Variants in SPACA3 observed in about 807,000 individuals in gnomAD.
The protein encoded by SPACA3 is sperm acrosome membrane-associated protein 3.
SPACA3 carries 21 observed loss-of-function variants against 24.5 expected under a neutral mutation model. That is an observed-to-expected ratio of 0.86 (90% CI 0.61 to 1.24). The LOEUF (loss-of-function observed/expected upper bound fraction) is 1.24. SPACA3 is among the 50% of genes most tolerant of loss of function. The pLI is 0.00. For synonymous variants in SPACA3, 115 were observed against 106.9 expected (o/e 1.08, Z -0.47); for missense variants, 278 against 275.5 (o/e 1.01, Z -0.06).
At chr17:32,993,594 C>G (rs143161448) in intron 1 of SPACA3, among the ~76,000 whole-genome samples, 1 of 152,006 alleles carries the variant, frequency 6.6e-6, no homozygotes, top group Non-Finnish European at 1.5e-5. Context: ...GAGACAGAGT[C>G]GAAGGGGGCC....
chr17:32,997,336 T>A (rs1355635387), intron 3 of SPACA3, 109 bp from the exon 4 acceptor site: 3 of 791,404 alleles, frequency 3.8e-6, no homozygotes, highest in Non-Finnish European at 6.2e-6. Flanking sequence ...TGTGTGTGTG[T>A]GTGTGTGTAG....
At chr17:32,994,856 G>A (rs1598222902) in intron 1 of SPACA3, among the ~76,000 whole-genome samples, 1 of 152,220 alleles carries the variant, frequency 6.6e-6, no homozygotes, top group East Asian at 1.9e-4. Context: ...GGGCAGGCTG[G>A]GCTTCCAGGG....
At position 32,995,725 on chromosome 17, in the gene SPACA3, C is replaced by A. The variant is rs1410405537; in HGVS notation, c.343+8C>A. Reference sequence around the variant, plus strand: ...GATACAGCCTGGCTGACTGTGAGAACCCCTCTCCCTGGCGGGCCCTGACTT... The same window carrying A: ...GATACAGCCTGGCTGACTGTGAGAAACCCTCTCCCTGGCGGGCCCTGACTT... On this transcript the variant is annotated splice_region_variant and intron_variant, in intron 2 of 4. Transcript: ENST00000269053. The A allele has an allele frequency of 1.9e-6, 3 of 1,607,894 alleles. No homozygotes were observed. The highest frequency in any genetic ancestry group is 2.6e-6 in the Non-Finnish European group (3 of 1,175,186).
At chr17:32,995,247 G>A (rs1164258762) in intron 1 of SPACA3, among the ~76,000 whole-genome samples, 162 bp from the exon 2 acceptor site, 1 of 152,148 alleles carries the variant, frequency 6.6e-6, no homozygotes, top group Non-Finnish European at 1.5e-5. Context: ...CAATAGGTTA[G>A]TTTTCTTCCT....
In SPACA3 at chr17:32,995,614, C is replaced by T. The variant is rs1244186512; in HGVS notation, c.240C>T (p.Cys80=). Residue 80 remains cysteine, a synonymous_variant, in exon 2 of 5, where the codon TGC becomes TGT. Coordinates refer to ENST00000269053, the MANE Select transcript of SPACA3 (RefSeq NM_173847.5). ...MLLALVCLLS[C]LLPSSEAKLY... ...TGGCCCTGGTCTGTCTGCTCAGCTGCCTGCTACCCTCCAGTGAGGCCAAGC... is the reference window on the plus strand; with the variant it reads ...TGGCCCTGGTCTGTCTGCTCAGCTGTCTGCTACCCTCCAGTGAGGCCAAGC... The T allele has an allele frequency of 2.5e-6, 4 of 1,614,088 alleles. No individual in the cohort carries two copies. Among genetic ancestry groups the T allele is most frequent in the Non-Finnish European group, 3.4e-6 (4 of 1,180,040 alleles).
At chr17:32,995,845 G>T in intron 2 of SPACA3, 128 bp downstream of exon 2, 3 of 1,091,406 alleles carry the variant, frequency 2.7e-6, no homozygotes, top group Non-Finnish European at 3.9e-6. Flanking sequence ...AACTGAAGAT[G>T]ATTTGAGATG....
At chr17:32,993,683 G>GA (rs1355942582) in intron 1 of SPACA3, among the ~76,000 whole-genome samples, 3 of 148,150 alleles carry the variant, frequency 2.0e-5, no homozygotes, top group African/African-American at 7.9e-5. Context: ...CAAGCGGGAG[G>GA]GAGAAAGTGG....
intron 1 of SPACA3, 66 bp from the exon 2 acceptor site, chr17:32,995,343 G>A: frequency 6.9e-7 from 1 of 1,456,132 alleles, no homozygotes; most frequent in Non-Finnish European, 9.3e-7. Context: ...GGAATGCAAG[G>A]GGGCTGATAC....
intron 1 of SPACA3, 112 bp from the exon 2 acceptor site, chr17:32,995,297 G>C: frequency 1.0e-6 from 1 of 998,272 alleles, no homozygotes. Context: ...TGGGGAAGGA[G>C]AGGGGCTGGT....
At chr17:32,996,270 T>TCTGA (rs1293845212) in intron 2 of SPACA3, among the ~76,000 whole-genome samples, 2 of 152,102 alleles carry the variant, frequency 1.3e-5, no homozygotes, top group African/African-American at 4.8e-5. Flanking sequence ...GGTGGATCAC[T>TCTGA]CTGAGGTCAG....
chr17:32,994,237 C>G (rs1290168140), intron 1 of SPACA3, among the ~76,000 whole-genome samples: 1 of 152,166 alleles, frequency 6.6e-6, no homozygotes, highest in Non-Finnish European at 1.5e-5. Flanking sequence ...GAAACAACAA[C>G]TCACTTATTT....
At chr17:32,997,373 A>G (rs1277338873) in intron 3 of SPACA3, 72 bp from the exon 4 acceptor site, 1 of 1,154,032 alleles carries the variant, frequency 8.7e-7, no homozygotes, top group Non-Finnish European at 1.3e-6. Flanking sequence ...AGACAGATAC[A>G]CACTCACACA....
chr17:32,992,014 C>A (rs199889988), intron 1 of SPACA3, 42 bp downstream of exon 1: 2 of 1,609,816 alleles, frequency 1.2e-6, no homozygotes, highest in East Asian at 4.5e-5. Context: ...TTAACAGGGG[C>A]GCTGGGTTGG....
At chr17:32,997,344 T>TGTGTAG (rs140846693) in intron 3 of SPACA3, 101 bp from the exon 4 acceptor site, 54,993 of 563,204 alleles carry the variant, frequency 0.098, 1,206 homozygotes, top group East Asian at 0.26. Context: ...TGTGTGTGTG[T>TGTGTAG]AGAGAGAGAG....
chr17:32,995,295 G>C (rs2091714650), intron 1 of SPACA3, 114 bp from the exon 2 acceptor site: 1 of 971,824 alleles, frequency 1.0e-6, no homozygotes, highest in East Asian at 2.5e-5. Context: ...GATGGGGAAG[G>C]AGAGGGGCTG....
Position 32,995,414 on chromosome 17 carries a change from C to T in SPACA3, c.40C>T (p.His14Tyr). 1 of 1,592,064 alleles carries T rather than the reference C, an allele frequency of 6.3e-7. No individual in the cohort carries two copies. Among genetic ancestry groups the T allele is most frequent in the African/African-American group, 1.3e-5 (1 of 74,684 alleles). The change falls in exon 2 of 5, where the codon CAC (histidine) becomes TAC (tyrosine). Residue 14 changes from histidine to tyrosine, a missense_variant. By Grantham distance (83) the His-to-Tyr change is moderately conservative. Transcript: ENST00000269053. ...ALRGAPLIRV[H>Y]SSPVSSPSVS... Reference sequence around the variant, plus strand: ...TCTCCTCTCCCCTTTCCCAGGGGTGCACTCAAGCCCTGTTTCTTCTCCTTC... The same window carrying T: ...TCTCCTCTCCCCTTTCCCAGGGGTGTACTCAAGCCCTGTTTCTTCTCCTTC...
At chr17:32,996,343 G>C (rs1485554151) in intron 2 of SPACA3, among the ~76,000 whole-genome samples, 1 of 152,110 alleles carries the variant, frequency 6.6e-6, no homozygotes, top group Non-Finnish European at 1.5e-5. Context: ...ACAAAAATTA[G>C]CTGGGCATGG....
intron 1 of SPACA3, among the ~76,000 whole-genome samples, chr17:32,994,792 G>A (rs1053715333): frequency 2.0e-5 from 3 of 152,184 alleles, no homozygotes; most frequent in African/African-American, 7.2e-5. Context: ...TCTGTGATTT[G>A]GGGGACTGGC....
At chr17:32,994,807 C>T (rs1448625046) in intron 1 of SPACA3, among the ~76,000 whole-genome samples, 1 of 152,164 alleles carries the variant, frequency 6.6e-6, no homozygotes, top group East Asian at 1.9e-4. Flanking sequence ...ACTGGCCACA[C>T]ACAGCCAATG....
Sources: gnomAD v4.1 joint callset for allele counts (sites outside exome capture counted in the v4.1 genomes callset) on GRCh38, gnomAD v4.1.1 for gene constraint, MANE v1.5 for transcripts, NCBI Gene and HGNC (gene_info 2026-07-23, HGNC 2026-07-21) for gene names.